Variants in EPB41L5 observed in about 807,000 individuals in gnomAD.
EPB41L5 encodes erythrocyte membrane protein band 4.1 like 5, also known as band 4.1-like protein 5.
EPB41L5 carries 55 observed loss-of-function variants against 106.6 expected under a neutral mutation model. The observed-to-expected ratio is 0.52, with a 90% CI of 0.42 to 0.65. EPB41L5 has a LOEUF of 0.65. Ranked by LOEUF, EPB41L5 falls within the 30% of genes least tolerant of loss-of-function variation. EPB41L5 has a pLI of 0.00. For synonymous variants in EPB41L5, 297 were observed against 306.7 expected (o/e 0.97, Z 0.33); for missense variants, 871 against 882.1 (o/e 0.99, Z 0.16).
intron 3 of EPB41L5, among the ~76,000 whole-genome samples, chr2:120,072,130 AAC>A (rs1182657248): frequency 6.6e-6 from 1 of 152,230 alleles, no homozygotes; most frequent in Non-Finnish European, 1.5e-5. Flanking sequence ...GAAGGATATG[AAC>A]AGACACTTCT....
At chr2:120,032,110 C>T (rs529901443) in intron 2 of EPB41L5, among the ~76,000 whole-genome samples, 6 of 152,136 alleles carry the variant, frequency 3.9e-5, no homozygotes, top group African/African-American at 9.6e-5. Context: ...GGGCCAGGCG[C>T]GGTGGCTCAC....
chr2:120,115,922 A>G (rs912619378), intron 16 of EPB41L5, among the ~76,000 whole-genome samples: 1 of 151,866 alleles, frequency 6.6e-6, no homozygotes, highest in Non-Finnish European at 1.5e-5. Flanking sequence ...CGATTCTCAT[A>G]CCTCATCCTC....
At chr2:120,075,646 TTAAAA>T in intron 6 of EPB41L5, 50 bp from the exon 7 acceptor site, 1 of 1,482,460 alleles carries the variant, frequency 6.7e-7, no homozygotes. Flanking sequence ...TTCATTTGTC[TTAAAA>T]TGAAGGTTAT....
At chr2:120,154,027 TTTG>T (rs1010949025) in intron 20 of EPB41L5, among the ~76,000 whole-genome samples, 3 of 152,166 alleles carry the variant, frequency 2.0e-5, no homozygotes, top group Admixed American at 1.3e-4. Context: ...CATTGTAGTA[TTTG>T]TTTTCTGTAT....
intron 2 of EPB41L5, among the ~76,000 whole-genome samples, chr2:120,035,552 TC>T (rs1319068281): frequency 6.6e-6 from 1 of 152,176 alleles, no homozygotes; most frequent in East Asian, 1.9e-4. Context: ...TGCCTGTAGT[TC>T]CAGCTACTCA....
intron 24 of EPB41L5, 43 bp downstream of exon 24, chr2:120,168,050 AG>A: frequency 6.2e-7 from 1 of 1,600,212 alleles, no homozygotes; most frequent in Non-Finnish European, 8.5e-7. Context: ...GGCATCTGTT[AG>A]GAAGAAAAAA....
At chr2:120,159,938 GA>G (rs1453091907) in intron 20 of EPB41L5, among the ~76,000 whole-genome samples, 1 of 152,174 alleles carries the variant, frequency 6.6e-6, no homozygotes, top group African/African-American at 2.4e-5. Context: ...AATATGGGTG[GA>G]GCTGGAGGCC....
chr2:120,159,459 A>G (rs980949330), intron 20 of EPB41L5, among the ~76,000 whole-genome samples: 21 of 150,664 alleles, frequency 1.4e-4, no homozygotes, highest in African/African-American at 5.1e-4. Flanking sequence ...AATCAATATC[A>G]TTAAAATGGC....
At chr2:120,058,713 CA>C (rs1680827599) in intron 3 of EPB41L5, among the ~76,000 whole-genome samples, 1 of 152,066 alleles carries the variant, frequency 6.6e-6, no homozygotes, top group Non-Finnish European at 1.5e-5. Context: ...TCAGGTATTT[CA>C]AGAAAAGCTG....
intron 1 of EPB41L5, among the ~76,000 whole-genome samples, chr2:120,013,923 A>C (rs894940380): frequency 3.3e-5 from 5 of 152,268 alleles, no homozygotes; most frequent in African/African-American, 9.6e-5. Context: ...TGTAACCCAC[A>C]ACTGCATTAA....
intron 14 of EPB41L5, among the ~76,000 whole-genome samples, chr2:120,095,018 C>T (rs1218124095): frequency 6.6e-6 from 1 of 151,978 alleles, no homozygotes; most frequent in African/African-American, 2.4e-5. Context: ...ATATATTTTG[C>T]TGTTTCTGAG....
In EPB41L5 at chr2:120,103,771, G is replaced by C. The variant is rs560898694; in HGVS notation, c.1337+2957G>C. ...AATATTAGTAACAACATCAGGGACA[G>C]ATACAGAGTGTCTTGCTTTCTGAGA... On this transcript the variant is annotated intron_variant, in intron 16 of 24. Coordinates refer to ENST00000263713, the MANE Select transcript of EPB41L5 (RefSeq NM_020909.4). Among the ~76,000 whole-genome samples, 6 of 152,326 alleles carry C rather than the reference G, an allele frequency of 3.9e-5. No homozygotes were observed. In the South Asian group the frequency reaches 1.2e-3, roughly 32 times the overall value.
intron 4 of EPB41L5, 127 bp downstream of exon 4, chr2:120,073,347 T>C (rs1682010331): frequency 3.6e-6 from 3 of 824,270 alleles, no homozygotes; most frequent in Non-Finnish European, 5.7e-6. Flanking sequence ...TTCTAGAAAT[T>C]ATTTTATTCT....
rs1025227260 is a variant in EPB41L5 at position 120,149,773 on chromosome 2, G to T, written c.1793+3484G>T. 2.0e-5 allele frequency among the ~76,000 whole-genome samples: 3 copies of T among 151,830 alleles called. No individual in the cohort carries two copies. In the South Asian group the frequency reaches 6.2e-4, roughly 32 times the overall value. On this transcript the variant is annotated intron_variant, in intron 20 of 24. Coordinates refer to ENST00000263713, the MANE Select transcript of EPB41L5 (RefSeq NM_020909.4). ...AATTCCGGAGTCATACGGTAATTCT[G>T]CTTTTAACCTTTTAAGGAACTGCCA...
At chr2:120,074,244 G>A (rs1012603218) in intron 5 of EPB41L5, 66 bp downstream of exon 5, 1 of 1,240,022 alleles carries the variant, frequency 8.1e-7, no homozygotes, top group Non-Finnish European at 1.1e-6. Context: ...TCTTTATATT[G>A]TTTCCAATTT....
intron 2 of EPB41L5, among the ~76,000 whole-genome samples, chr2:120,021,406 A>C (rs1007236038): frequency 7.2e-5 from 11 of 151,956 alleles, no homozygotes; most frequent in African/African-American, 1.9e-4. Flanking sequence ...GCACTTTGGG[A>C]GGCCGAGGTG....
At chr2:120,117,800 T>C (rs564559902) in intron 16 of EPB41L5, among the ~76,000 whole-genome samples, 4 of 152,296 alleles carry the variant, frequency 2.6e-5, no homozygotes, top group South Asian at 2.1e-4. Flanking sequence ...ATTTGTATGT[T>C]TAAGAGCCAT....
At chr2:120,118,224 G>T (rs1256359819) in intron 16 of EPB41L5, among the ~76,000 whole-genome samples, 1 of 152,124 alleles carries the variant, frequency 6.6e-6, no homozygotes, top group East Asian at 1.9e-4. Flanking sequence ...TTTCCAGATG[G>T]CTTTCCAATT....
intron 12 of EPB41L5, among the ~76,000 whole-genome samples, chr2:120,090,769 A>G (rs916462966): frequency 6.6e-6 from 1 of 152,072 alleles, no homozygotes; most frequent in East Asian, 1.9e-4. Flanking sequence ...ATATTAACCC[A>G]CTCCCAGTTT....
Sources: allele counts gnomAD v4.1 joint callset (sites outside exome capture counted in the v4.1 genomes callset), GRCh38; gene constraint gnomAD v4.1.1; transcripts MANE v1.5; gene names NCBI Gene and HGNC (gene_info 2026-07-23, HGNC 2026-07-21).